Variants in ALK observed in about 807,000 individuals in gnomAD.
ALK encodes the protein ALK receptor tyrosine kinase, also known as ALK tyrosine kinase receptor.
Under a neutral mutation model 163.1 loss-of-function variants are expected in ALK, and 74 were observed. The ratio of observed to expected loss-of-function variants is 0.45; its 90% CI spans 0.38 to 0.55. The LOEUF (loss-of-function observed/expected upper bound fraction) is 0.55. Among genes scored for constraint, ALK ranks in the 20% least tolerant of loss-of-function variants. ALK has a pLI of 0.00. For missense variants in ALK, 2,063 were observed against 2,105.3 expected (o/e 0.98, Z 0.39); for synonymous variants, 960 against 843.2 (o/e 1.14, Z -2.40).
chr2:29,200,759 A>AAG (rs1558608670), intron 26 of ALK, among the ~76,000 whole-genome samples: 1 of 110,114 alleles, frequency 9.1e-6, no homozygotes, highest in Admixed American at 8.8e-5. Context: ...ATACGTATAT[A>AAG]TGTATATATA....
At chr2:29,815,229 A>G (rs1664866463) in intron 1 of ALK, among the ~76,000 whole-genome samples, 1 of 151,730 alleles carries the variant, frequency 6.6e-6, no homozygotes, top group South Asian at 2.1e-4. Flanking sequence ...TTGTCTGTCA[A>G]ATAGGATAAC....
chr2:29,437,698 C>G (rs1670436423), intron 4 of ALK, among the ~76,000 whole-genome samples: 1 of 152,190 alleles, frequency 6.6e-6, no homozygotes, highest in African/African-American at 2.4e-5. Flanking sequence ...CTTCCCTAAG[C>G]CCCACCTCAA....
intron 3 of ALK, among the ~76,000 whole-genome samples, chr2:29,635,246 C>T (rs1236309510): frequency 6.6e-6 from 1 of 152,150 alleles, no homozygotes; most frequent in East Asian, 1.9e-4. Context: ...GAATAATAAC[C>T]ACCCAAAGAT....
intron 9 of ALK, chr2:29,286,801 T>C (rs1214541808): frequency 6.6e-6 from 1 of 152,192 alleles, no homozygotes; most frequent in Non-Finnish European, 1.5e-5. Context: ...TATGAGGCTT[T>C]GTGGAGAAGA....
chr2:29,636,909 CA>C (rs1373618075), intron 3 of ALK, among the ~76,000 whole-genome samples: 5 of 152,280 alleles, frequency 3.3e-5, no homozygotes, highest in Admixed American at 3.3e-4. Flanking sequence ...TCACATCTGT[CA>C]GAATGGCTAC....
chr2:29,301,663 G>A (rs1325439694), intron 8 of ALK, among the ~76,000 whole-genome samples: 1 of 152,214 alleles, frequency 6.6e-6, no homozygotes, highest in Non-Finnish European at 1.5e-5. Context: ...GCTGCTCCCT[G>A]GAACTTTACA....
chr2:29,287,639 A>G (rs982076808), intron 9 of ALK, among the ~76,000 whole-genome samples: 9 of 152,156 alleles, frequency 5.9e-5, no homozygotes, highest in African/African-American at 2.2e-4. Flanking sequence ...CAAAGAGAGC[A>G]GATGGCAAAG....
chr2:29,275,021 C>G (rs534910500), intron 11 of ALK, 78 bp downstream of exon 11: 2 of 1,587,806 alleles, frequency 1.3e-6, no homozygotes, highest in Admixed American at 3.3e-5. Flanking sequence ...GCTCCCCACC[C>G]TAAAGACAGC....
chr2:29,814,130 T>C (rs1295224084), intron 1 of ALK, among the ~76,000 whole-genome samples: 6 of 152,124 alleles, frequency 3.9e-5, no homozygotes, highest in Admixed American at 6.6e-5. Flanking sequence ...GCTAATACTT[T>C]GAGCACTCTG....
chr2:29,914,931 T>C (rs1667792444), intron 1 of ALK, among the ~76,000 whole-genome samples: 1 of 152,226 alleles, frequency 6.6e-6, no homozygotes, highest in South Asian at 2.1e-4. Flanking sequence ...AAAAATATGG[T>C]CTGGATTCCA....
intron 3 of ALK, among the ~76,000 whole-genome samples, chr2:29,643,865 G>A (rs975535110): frequency 1.3e-5 from 2 of 152,030 alleles, no homozygotes; most frequent in African/African-American, 2.4e-5. Context: ...CTAGAACTAG[G>A]AATACCATTT....
At chr2:29,886,720 C>A (rs946344221) in intron 1 of ALK, among the ~76,000 whole-genome samples, 2 of 152,226 alleles carry the variant, frequency 1.3e-5, no homozygotes, top group African/African-American at 4.8e-5. Context: ...CAAGTTATAT[C>A]ACCCCTTTTG....
Position 29,627,133 on chromosome 2 carries a change from A to G in ALK, c.952+67717T>C, listed in dbSNP as rs75207732. 3.8e-3 allele frequency among the ~76,000 whole-genome samples: 584 copies of G among 152,288 alleles called. 1 individual carries two copies. Among genetic ancestry groups the G allele is most frequent in the African/African-American group, 0.013 (526 of 41,570 alleles). ...CTGAAGCCAGGGCTGACGGATGCAA[A>G]GAGGCTCTGCTGGGCAAGACACTCT... On this transcript the variant is annotated intron_variant, in intron 3 of 28. Coordinates refer to ENST00000389048, the MANE Select transcript of ALK (RefSeq NM_004304.5).
chr2:29,818,029 CT>C (rs569670942), intron 1 of ALK, among the ~76,000 whole-genome samples: 387 of 152,342 alleles, frequency 2.5e-3, no homozygotes, highest in Non-Finnish European at 4.0e-3. Context: ...TCCAGTGTTT[CT>C]CCACAGAGAA....
chr2:29,357,355 A>G (rs914240332), intron 5 of ALK, among the ~76,000 whole-genome samples: 4 of 151,958 alleles, frequency 2.6e-5, no homozygotes, highest in South Asian at 2.1e-4. Flanking sequence ...CACTGTCCCA[A>G]TTTTCTCCCC....
At chr2:29,624,072 G>T (rs543683151) in intron 3 of ALK, among the ~76,000 whole-genome samples, 1 of 33,176 alleles carries the variant, frequency 3.0e-5, no homozygotes, top group Admixed American at 3.2e-4. Context: ...ACCCTAGCAA[G>T]ACTCTTCGTA....
Position 29,227,052 on chromosome 2 carries a change from C to T in ALK, c.2937G>A (p.Val979=), listed in dbSNP as rs2148178672. 1 of 1,614,156 alleles carries T rather than the reference C, an allele frequency of 6.2e-7. No homozygotes were observed. Among genetic ancestry groups the T allele is most frequent in the African/African-American group, 1.3e-5 (1 of 75,032 alleles). Residue 979 remains valine, a synonymous_variant, in exon 18 of 29, where the codon GTG becomes GTA. Coordinates refer to ENST00000389048, the MANE Select transcript of ALK (RefSeq NM_004304.5). This position sits in a 1 kb window ranked among gnomAD's most constrained non-coding sequence, Gnocchi z 4.4. The part of the protein sequence containing the change: ...ALKVMEGHGE[V]NIKHYLNCSH... ...TGCAGTTTAGATAATGCTTAATATT[C>T]ACTTCCCCGTGGCCTTCCATCACTA...
At chr2:29,812,414 T>C (rs74695693) in intron 1 of ALK, among the ~76,000 whole-genome samples, 3,979 of 152,078 alleles carry the variant, frequency 0.026, 181 homozygotes, top group African/African-American at 0.09. Flanking sequence ...AAGAGTTGTG[T>C]ACAATTAGGT....
intron 3 of ALK, among the ~76,000 whole-genome samples, chr2:29,639,950 A>G (rs543421275): frequency 6.6e-6 from 1 of 152,322 alleles, no homozygotes; most frequent in South Asian, 2.1e-4. Flanking sequence ...ACCTAGATCA[A>G]ATGTGCTGGG....
Sources: allele counts gnomAD v4.1 joint callset (sites outside exome capture counted in the v4.1 genomes callset), GRCh38; gene constraint gnomAD v4.1.1; non-coding constraint Gnocchi (gnomAD v3.1); transcripts MANE v1.5; gene names NCBI Gene and HGNC (gene_info 2026-07-23, HGNC 2026-07-21).